ZNF146: variants seen among roughly 807,000 people sequenced by gnomAD.
The protein encoded by ZNF146 is zinc finger protein OZF.
ZNF146 carries 9 observed loss-of-function variants against 22.2 expected under a neutral mutation model. The ratio of observed to expected loss-of-function variants is 0.41; its 90% CI spans 0.24 to 0.71. The LOEUF is 0.71. Among genes scored for constraint, ZNF146 ranks in the 30% least tolerant of loss-of-function variants. The pLI is 0.34. For missense variants in ZNF146, 194 were observed against 344.8 expected, an observed-to-expected ratio of 0.56 and a Z score of 3.46; for synonymous variants, 108 against 119.2, an observed-to-expected ratio of 0.91 and a Z score of 0.61.
At chr19:36,227,735 T>A (rs1213568657) in intron 2 of ZNF146, among the ~76,000 whole-genome samples, 1 of 152,122 alleles carries the variant, frequency 6.6e-6, no homozygotes, top group Non-Finnish European at 1.5e-5. Context: ...TGTATTTTTA[T>A]AAGGACGGTG....
Position 36,235,859 on chromosome 19 carries a change from G to A in ZNF146, c.-582G>A, listed in dbSNP as rs1189323554. ...AAGTTTTCAGTTTGAAACACAACCT[G>A]GACTGAAATCATGAGGGAGGTTGTG... On this transcript the variant is annotated 5_prime_UTR_variant, in exon 4 of 4. Coordinates refer to ENST00000443387, the MANE Select transcript of ZNF146 (RefSeq NM_007145.3). 6.6e-6 allele frequency: 1 copy of A among 152,208 alleles called. No homozygotes were observed. Among genetic ancestry groups the A allele is most frequent in the African/African-American group, 2.4e-5 (1 of 41,432 alleles). 9.4% of individuals were successfully genotyped at this position (152,208 alleles called of 1,614,324 possible).
At chr19:36,216,008 G>T (rs182862232) in intron 1 of ZNF146, among the ~76,000 whole-genome samples, 4 of 152,240 alleles carry the variant, frequency 2.6e-5, no homozygotes, top group East Asian at 3.9e-4. Flanking sequence ...TGCTACTGAC[G>T]TCTCCAAAGA....
chr19:36,220,305 CACTTTAAATGGTATAGT>C, intron 2 of ZNF146, among the ~76,000 whole-genome samples: 2 of 146,280 alleles, frequency 1.4e-5, no homozygotes, highest in Non-Finnish European at 3.1e-5. Context: ...ATTTCTAATT[CACTTTAAATGGTATAGT>C]ATTTTTACCT....
intron 2 of ZNF146, among the ~76,000 whole-genome samples, chr19:36,222,630 A>AT (rs148873756): frequency 0.039 from 5,972 of 151,580 alleles, 362 homozygotes; most frequent in African/African-American, 0.13. Flanking sequence ...ATGAATGAGA[A>AT]TTTTTTTTTA....
At chr19:36,230,570 C>T (rs932711402) in intron 3 of ZNF146, among the ~76,000 whole-genome samples, 2 of 152,004 alleles carry the variant, frequency 1.3e-5, no homozygotes, top group Non-Finnish European at 2.9e-5. Context: ...CGAGAGTGGG[C>T]GTGCAGCATT....
chr19:36,222,448 A>C (rs938285170), intron 2 of ZNF146, among the ~76,000 whole-genome samples: 6 of 152,210 alleles, frequency 3.9e-5, no homozygotes, highest in Admixed American at 3.9e-4. Context: ...CTAGACTGCT[A>C]TTAATACAAA....
At chr19:36,230,154 T>C (rs1234728508) in intron 3 of ZNF146, among the ~76,000 whole-genome samples, 1 of 152,234 alleles carries the variant, frequency 6.6e-6, no homozygotes, top group African/African-American at 2.4e-5. Flanking sequence ...TAGCATTTAC[T>C]TTTTAAGTGG....
intron 2 of ZNF146, among the ~76,000 whole-genome samples, chr19:36,218,807 CTTT>C (rs201752963): frequency 5.0e-5 from 7 of 139,694 alleles, no homozygotes; most frequent in Non-Finnish European, 7.8e-5. Context: ...TTAAAATTTT[CTTT>C]TTTTTTGGTG....
intron 2 of ZNF146, among the ~76,000 whole-genome samples, chr19:36,223,048 A>G (rs1326659768): frequency 6.6e-6 from 1 of 151,948 alleles, no homozygotes; most frequent in Non-Finnish European, 1.5e-5. Context: ...CCCTGGGCCC[A>G]AGCAAGTCTC....
chr19:36,233,937 CAGGTCTTTCCCT>C, intron 3 of ZNF146, among the ~76,000 whole-genome samples: 1 of 146,330 alleles, frequency 6.8e-6, no homozygotes, highest in African/African-American at 2.8e-5. Context: ...GGGGGACGGT[CAGGTCTTTCCCT>C]TCCCGCGGGG....
At chr19:36,234,338 T>G (rs1479297164) in intron 3 of ZNF146, among the ~76,000 whole-genome samples, 1 of 145,098 alleles carries the variant, frequency 6.9e-6, no homozygotes, top group African/African-American at 2.6e-5. Flanking sequence ...CCACACAGCC[T>G]GGGCGACAGA....
chr19:36,225,648 C>T (rs756794055), intron 2 of ZNF146, among the ~76,000 whole-genome samples: 11 of 150,826 alleles, frequency 7.3e-5, no homozygotes, highest in Admixed American at 4.0e-4. Context: ...GTGCTAAGCA[C>T]GCTGGTCTTG....
At position 36,218,825 on chromosome 19, in the gene ZNF146, G is replaced by A. The variant is rs146457452; in HGVS notation, c.-855+630G>A. Among the ~76,000 whole-genome samples the A allele has an allele frequency of 2.0e-4, 29 of 142,816 alleles. 1 individual carries two copies. Among genetic ancestry groups the A allele is most frequent in the Admixed American group, 5.7e-4 (8 of 14,024 alleles). The allele number at this position is 142,816 out of a possible 152,430, so 93.7% of individuals were successfully genotyped here. A position where few individuals can be genotyped will look rare whatever the true frequency, so the allele number is the denominator to read the frequency against. On this transcript the variant is annotated intron_variant, in intron 2 of 3. Coordinates refer to ENST00000443387, the MANE Select transcript of ZNF146 (RefSeq NM_007145.3). ...AAATTTTCTTTTTTTTTGGTGGAGGGGGGGACAGAGTCTCGGTTTGTCGCC... is the reference window on the plus strand; with the variant it reads ...AAATTTTCTTTTTTTTTGGTGGAGGAGGGGACAGAGTCTCGGTTTGTCGCC...
At chr19:36,223,342 CA>C (rs375158030) in intron 2 of ZNF146, among the ~76,000 whole-genome samples, 236 of 131,614 alleles carry the variant, frequency 1.8e-3, no homozygotes, top group East Asian at 2.5e-3. Flanking sequence ...GACTCCGTCT[CA>C]AAAAAAAAAA....
At chr19:36,232,305 T>G (rs968818429) in intron 3 of ZNF146, among the ~76,000 whole-genome samples, 3 of 152,182 alleles carry the variant, frequency 2.0e-5, no homozygotes, top group African/African-American at 7.2e-5. Context: ...ATTCTACTTA[T>G]GTAGGTACTA....
chr19:36,225,778 T>TG (rs1168662553), intron 2 of ZNF146, among the ~76,000 whole-genome samples: 1 of 113,110 alleles, frequency 8.8e-6, no homozygotes, highest in Non-Finnish European at 1.8e-5. Context: ...TTTTTTTTTT[T>TG]GAGACAGGGT....
intron 1 of ZNF146, among the ~76,000 whole-genome samples, chr19:36,217,013 C>T (rs1976636916): frequency 1.4e-5 from 2 of 147,232 alleles, no homozygotes; most frequent in South Asian, 2.2e-4. Context: ...GAGCAGAGAT[C>T]CTGGCGACAG....
chr19:36,222,643 T>C (rs1209890359), intron 2 of ZNF146, among the ~76,000 whole-genome samples: 1 of 152,126 alleles, frequency 6.6e-6, no homozygotes, highest in Admixed American at 6.5e-5. Flanking sequence ...TTTTTTTATA[T>C]GTTTAAAGGC....
chr19:36,221,932 T>C (rs960841391), intron 2 of ZNF146, among the ~76,000 whole-genome samples: 295 of 126,912 alleles, frequency 2.3e-3, no homozygotes, highest in African/African-American at 7.6e-3. Flanking sequence ...TCTTTCTTTT[T>C]TTTTTTTTTT....
Sources: gnomAD v4.1 joint callset for allele counts (sites outside exome capture counted in the v4.1 genomes callset) on GRCh38, gnomAD v4.1.1 for gene constraint, MANE v1.5 for transcripts, NCBI Gene and HGNC (gene_info 2026-07-23, HGNC 2026-07-21) for gene names.